The following RSPH14 variants were observed in gnomAD, a reference collection of about 807,000 sequenced individuals.
RSPH14 encodes rhabdoid tumor deletion region gene 1.
A neutral mutation model predicts 26.7 loss-of-function variants in RSPH14; 20 were observed. That is an observed-to-expected ratio of 0.75 (90% CI 0.53 to 1.09). The LOEUF (loss-of-function observed/expected upper bound fraction) is 1.09, where lower values mean the gene tolerates loss of function less well. Among genes scored for constraint, RSPH14 ranks in the 50% least tolerant of loss-of-function variants. The pLI is 0.00. For missense variants in RSPH14, 449 were observed against 457.2 expected (o/e 0.98, Z 0.16); for synonymous variants, 177 against 189.3 (o/e 0.93, Z 0.53).
At chr22:23,116,770 G>T (rs550645084) in intron 4 of RSPH14, among the ~76,000 whole-genome samples, 80 of 152,232 alleles carry the variant, frequency 5.3e-4, no homozygotes, top group Non-Finnish European at 9.8e-4. Context: ...AAAGCCGTGA[G>T]TGCCTGATGG....
chr22:23,131,892 G>C (rs1481668640), intron 4 of RSPH14, among the ~76,000 whole-genome samples: 1 of 152,142 alleles, frequency 6.6e-6, no homozygotes, highest in African/African-American at 2.4e-5. Flanking sequence ...AAAAACCACA[G>C]GCCTAGTGTG....
intron 4 of RSPH14, among the ~76,000 whole-genome samples, chr22:23,084,773 C>CA (rs1240314622): frequency 1.3e-5 from 2 of 152,220 alleles, no homozygotes; most frequent in African/African-American, 4.8e-5. Flanking sequence ...ATGCCACAGA[C>CA]AGTGTCGTGC....
intron 3 of RSPH14, among the ~76,000 whole-genome samples, chr22:23,136,714 C>G (rs1245854378): frequency 7.2e-6 from 1 of 139,306 alleles, no homozygotes; most frequent in African/African-American, 2.6e-5. Flanking sequence ...GATAATTGCT[C>G]AGGCTTCAGG....
intron 6 of RSPH14, 129 bp downstream of exon 6, chr22:23,061,680 G>C: frequency 8.8e-7 from 1 of 1,141,378 alleles, no homozygotes; most frequent in Non-Finnish European, 1.2e-6. Context: ...ATAGGCCAAG[G>C]GGAGGTTTTT....
intron 4 of RSPH14, among the ~76,000 whole-genome samples, chr22:23,114,928 G>A (rs1371127860): frequency 6.6e-6 from 1 of 152,192 alleles, no homozygotes; most frequent in Non-Finnish European, 1.5e-5. Context: ...GGGCAGTGGG[G>A]ACTGCCATGA....
the RSPH14 span, among the ~76,000 whole-genome samples, chr22:23,155,364 ATTG>A: frequency 1.3e-5 from 2 of 152,182 alleles, no homozygotes; most frequent in East Asian, 3.9e-4. Context: ...TCATTAATCG[ATTG>A]TTGTACTCTT....
chr22:23,151,130 G>A, the RSPH14 span, among the ~76,000 whole-genome samples: 3 of 152,262 alleles, frequency 2.0e-5, no homozygotes, highest in African/African-American at 4.8e-5. Context: ...GCCAGAGAGC[G>A]CAGCTAGAGG....
chr22:23,167,952 T>TC, the RSPH14 span, among the ~76,000 whole-genome samples: 85 of 151,688 alleles, frequency 5.6e-4, 1 homozygote, highest in South Asian at 1.5e-3. Context: ...CATCAAGCAA[T>TC]CCCCCCACCC....
At chr22:23,163,606 G>GCCTCCC in the RSPH14 span, 1 of 125,234 alleles carries the variant, frequency 8.0e-6, no homozygotes, top group Non-Finnish European at 1.8e-5. Context: ...CAAGGTGAAA[G>GCCTCCC]CCCCCCCCCC....
intron 4 of RSPH14, among the ~76,000 whole-genome samples, chr22:23,113,504 T>C (rs1024814349): frequency 6.6e-6 from 1 of 152,236 alleles, no homozygotes; most frequent in Non-Finnish European, 1.5e-5. Flanking sequence ...ACTCAGGAAT[T>C]CCTGATGAGG....
At chr22:23,170,842 T>C in the RSPH14 span, among the ~76,000 whole-genome samples, 1 of 151,756 alleles carries the variant, frequency 6.6e-6, no homozygotes, top group African/African-American at 2.4e-5. Context: ...TATATATATA[T>C]ATACCTACAT....
chr22:23,174,687 A>AG, the RSPH14 span, among the ~76,000 whole-genome samples: 1 of 149,578 alleles, frequency 6.7e-6, no homozygotes, highest in Admixed American at 6.7e-5. Flanking sequence ...AAAAAAAAAA[A>AG]GCTGAGTGTG....
At chr22:23,097,248 G>T (rs1036094006) in intron 4 of RSPH14, among the ~76,000 whole-genome samples, 5 of 152,216 alleles carry the variant, frequency 3.3e-5, no homozygotes, top group Admixed American at 3.3e-4. Flanking sequence ...GATGCTGGGA[G>T]ACAAGGGCTC....
chr22:23,156,719 C>CA, the RSPH14 span, among the ~76,000 whole-genome samples: 1 of 152,184 alleles, frequency 6.6e-6, no homozygotes, highest in Non-Finnish European at 1.5e-5. Flanking sequence ...TTAAAAGAAG[C>CA]AAAAATAGGA....
At chr22:23,132,971 AC>A (rs1400967493) in intron 4 of RSPH14, 3 of 152,092 alleles carry the variant, frequency 2.0e-5, no homozygotes, top group African/African-American at 7.2e-5. Context: ...CAAGCAATAC[AC>A]CTGCTTTAGC....
In RSPH14 at chr22:23,065,534, CAAAAAAAAAAAAAAAA is replaced by C. The variant is rs10562943; in HGVS notation, c.422-1417_422-1402del. ...TTTTTTATTTAATATGCACAGATTG[CAAAAAAAAAAAAAAAA>C]AAAAAAAAAAAAGCCTAGGTCTCAT... On this transcript the variant is annotated intron_variant, in intron 4 of 6. Transcript: ENST00000216036. 2.0e-4 allele frequency among the ~76,000 whole-genome samples: 9 copies of C among 45,176 alleles called. 2 individuals carry two copies. The highest frequency in any genetic ancestry group is 6.1e-4 in the African/African-American group (7 of 11,478). The allele number at this position is 45,176 out of a possible 152,430, so 29.6% of individuals were successfully genotyped here. A position where few individuals can be genotyped will look rare whatever the true frequency, so the allele number is the denominator to read the frequency against.
intron 3 of RSPH14, chr22:23,136,316 A>T: frequency 2.9e-6 from 2 of 698,954 alleles, no homozygotes; most frequent in Non-Finnish European, 5.3e-6. Flanking sequence ...CCTTCCTGTC[A>T]CTACTTCTGT....
Position 23,061,790 on chromosome 22 carries a change from G to GC in RSPH14, c.790+18dup, listed in dbSNP as rs766332003. The GC allele has an allele frequency of 6.2e-7, 1 of 1,613,374 alleles. No homozygotes were observed. Among genetic ancestry groups the GC allele is most frequent in the African/African-American group, 1.3e-5 (1 of 74,970 alleles). On this transcript the variant is annotated intron_variant, in intron 6 of 6. Coordinates refer to ENST00000216036, the MANE Select transcript of RSPH14 (RefSeq NM_014433.3). ...GCCTGCTAGGGTCTCCCTCCCTGCG[G>GC]CACCCCCCACCGCCTCACCTTCAGT... is the stretch of plus-strand genomic sequence containing the variant.
At chr22:23,095,405 C>A in intron 4 of RSPH14, 1 of 398,178 alleles carries the variant, frequency 2.5e-6, no homozygotes, top group Non-Finnish European at 4.6e-6. Context: ...GGCTTCCCAC[C>A]GTCGCCGAGG....
Sources: allele counts gnomAD v4.1 joint callset (sites outside exome capture counted in the v4.1 genomes callset), GRCh38; gene constraint gnomAD v4.1.1; transcripts MANE v1.5; gene names NCBI Gene and HGNC (gene_info 2026-07-23, HGNC 2026-07-21).